Variants in PXK observed in about 807,000 individuals in gnomAD.
PXK encodes the protein PX domain-containing protein kinase-like protein.
Under a neutral mutation model 84.7 loss-of-function variants are expected in PXK, and 35 were observed. The observed-to-expected ratio is 0.41, with a 90% confidence interval of 0.32 to 0.55. The LOEUF (loss-of-function observed/expected upper bound fraction) is 0.55. Among genes scored for constraint, PXK ranks in the 20% least tolerant of loss-of-function variants. The pLI, the probability that PXK is intolerant of heterozygous loss-of-function variation, is 0.21. For synonymous variants in PXK, 253 were observed against 260.8 expected, an observed-to-expected ratio of 0.97 and a Z score of 0.29; for missense variants, 634 against 699.7, an observed-to-expected ratio of 0.91 and a Z score of 1.06.
chr3:58,389,292 A>G (rs1209597304), intron 4 of PXK, among the ~76,000 whole-genome samples: 16 of 152,160 alleles, frequency 1.1e-4, no homozygotes, highest in Admixed American at 8.5e-4. Flanking sequence ...GATGAAAGCT[A>G]TAATTCCAGA....
rs181732618 is a variant in PXK, at chr3:58,389,976, G to T, written c.389-606G>T. 9.3e-4 allele frequency among the ~76,000 whole-genome samples: 120 copies of T among 128,674 alleles called. 5 individuals carry two copies. In the East Asian group the frequency reaches 0.023, roughly 25 times the overall value. 84.4% of individuals were successfully genotyped at this position (128,674 alleles called of 152,430 possible). A position where few individuals can be genotyped will look rare whatever the true frequency, so the allele number is the denominator to read the frequency against. On this transcript the variant is annotated intron_variant, in intron 4 of 17. Transcript: ENST00000356151. ...ATCGCACCATTGCACTCCAACCTGGGTAACAAGAGTGAAACTCCGTCTCAA... is the reference window on the plus strand; with the variant it reads ...ATCGCACCATTGCACTCCAACCTGGTTAACAAGAGTGAAACTCCGTCTCAA...
At chr3:58,368,448 G>A (rs1375899615) in intron 2 of PXK, among the ~76,000 whole-genome samples, 2 of 152,074 alleles carry the variant, frequency 1.3e-5, no homozygotes, top group African/African-American at 2.4e-5. Flanking sequence ...TCTGCCTCCC[G>A]AGTAGCTGAG....
chr3:58,381,274 A>G (rs1252534824), intron 3 of PXK, among the ~76,000 whole-genome samples: 1 of 151,366 alleles, frequency 6.6e-6, no homozygotes, highest in Non-Finnish European at 1.5e-5. Context: ...AAAAGCCAAC[A>G]GAGGTTACAC....
At chr3:58,362,018 T>G (rs969080866) in intron 1 of PXK, among the ~76,000 whole-genome samples, 30 of 152,322 alleles carry the variant, frequency 2.0e-4, no homozygotes, top group African/African-American at 3.6e-4. Flanking sequence ...GTTATTACTG[T>G]TTTTTATTTA....
At chr3:58,386,696 G>A (rs71311865) in intron 4 of PXK, among the ~76,000 whole-genome samples, 11,102 of 152,174 alleles carry the variant, frequency 0.073, 523 homozygotes, top group South Asian at 0.1. Context: ...TGGAGTAAGG[G>A]GGTTTTAATG....
At chr3:58,384,454 G>T (rs2098533943) in intron 4 of PXK, among the ~76,000 whole-genome samples, 1 of 149,204 alleles carries the variant, frequency 6.7e-6, no homozygotes, top group Non-Finnish European at 1.5e-5. Flanking sequence ...GGAGCAGTGA[G>T]TTGTTACAAG....
chr3:58,423,722 G>T (rs759527929), intron 17 of PXK, among the ~76,000 whole-genome samples: 1 of 152,054 alleles, frequency 6.6e-6, no homozygotes, highest in Admixed American at 6.6e-5. Flanking sequence ...GCATCTGACA[G>T]AGTCTCAGAG....
chr3:58,357,795 CAAA>C (rs2098116998), intron 1 of PXK, among the ~76,000 whole-genome samples: 1 of 152,050 alleles, frequency 6.6e-6, no homozygotes. Flanking sequence ...ACTAAAAATA[CAAA>C]AATTAGCCTG....
chr3:58,354,481 C>G (rs930346466), intron 1 of PXK, among the ~76,000 whole-genome samples: 23 of 149,494 alleles, frequency 1.5e-4, no homozygotes, highest in South Asian at 2.1e-4. Context: ...GAGTCTCTCA[C>G]TCTGTCACAG....
Position 58,424,773 on chromosome 3 carries a change from C to T in PXK, c.1550C>T (p.Pro517Leu). The T allele has an allele frequency of 5.0e-6, 8 of 1,613,874 alleles. No individual in the cohort carries two copies. Among genetic ancestry groups the T allele is most frequent in the Non-Finnish European group, 6.8e-6 (8 of 1,179,940 alleles). Reference sequence around the variant, plus strand: ...ACAGGGATATCTGCATTACCTCCACCTCCTCCACCTCCACCACCACCAGCA... The same window carrying T: ...ACAGGGATATCTGCATTACCTCCACTTCCTCCACCTCCACCACCACCAGCA... ...STSGISALPP[P>L]PPPPPPPAAP... Residue 517 changes from proline to leucine, a missense_variant, in exon 18 of 18, where the codon CCT becomes CTT. Coordinates refer to ENST00000356151, the MANE Select transcript of PXK (RefSeq NM_017771.5).
At chr3:58,346,417 A>C (rs1205730641) in intron 1 of PXK, among the ~76,000 whole-genome samples, 1 of 152,078 alleles carries the variant, frequency 6.6e-6, no homozygotes, top group Non-Finnish European at 1.5e-5. Context: ...ACAATAGAGG[A>C]AAAGTCTGCC....
chr3:58,367,644 G>T (rs556424709), intron 2 of PXK, among the ~76,000 whole-genome samples: 2 of 152,226 alleles, frequency 1.3e-5, no homozygotes, highest in Admixed American at 6.5e-5. Flanking sequence ...AGAATGGATA[G>T]CCATGTAGAA....
chr3:58,413,139 T>C (rs2060456524), intron 17 of PXK, 176 bp downstream of exon 17: 2 of 692,016 alleles, frequency 2.9e-6, no homozygotes, highest in Non-Finnish European at 4.9e-6. Flanking sequence ...AGGGGCTAGA[T>C]TTCCAAGCTC....
intron 1 of PXK, among the ~76,000 whole-genome samples, chr3:58,345,493 G>A (rs370838563): frequency 9.9e-5 from 15 of 152,274 alleles, no homozygotes; most frequent in African/African-American, 2.4e-4. Context: ...TAGAATTACC[G>A]TTTTTATGAT....
Position 58,405,777 on chromosome 3 carries a change from CA to C in PXK, c.1230+1879del, listed in dbSNP as rs547950182. ...TGGGGAACAGAGTGAGATTCTGTCT[CA>C]AAAAAAAAAAAGAAATGATAGGCTC... On this transcript the variant is annotated intron_variant, in intron 13 of 17. Transcript: ENST00000356151. 1.0e-3 allele frequency among the ~76,000 whole-genome samples: 135 copies of C among 133,600 alleles called. 1 individual carries two copies. The highest frequency in any genetic ancestry group is 1.5e-3 in the South Asian group (6 of 4,108). 87.6% of individuals were successfully genotyped at this position (133,600 alleles called of 152,430 possible).
Position 58,369,564 on chromosome 3 carries a change from G to A in PXK, c.201+86G>A, listed in dbSNP as rs778108079. Reference sequence around the variant, plus strand: ...TGGAGTCGGGGCACGGTGGCTCAACGCCTGTAATCCCAGCACTTGGGGAGG... The same window carrying A: ...TGGAGTCGGGGCACGGTGGCTCAACACCTGTAATCCCAGCACTTGGGGAGG... On this transcript the variant is annotated intron_variant, in intron 3 of 17. Transcript: ENST00000356151. 9.4e-6 allele frequency: 10 copies of A among 1,061,890 alleles called. 1 individual carries two copies. The highest frequency in any genetic ancestry group is 5.3e-5 in the South Asian group (4 of 74,986). 65.8% of individuals were successfully genotyped at this position (1,061,890 alleles called of 1,614,324 possible).
intron 1 of PXK, among the ~76,000 whole-genome samples, chr3:58,345,229 G>A (rs1461108753): frequency 6.6e-6 from 1 of 152,110 alleles, no homozygotes; most frequent in African/African-American, 2.4e-5. Context: ...AACTCGGAGT[G>A]GTTAACAGAG....
At chr3:58,344,822 C>T (rs747475133) in intron 1 of PXK, among the ~76,000 whole-genome samples, 2 of 152,146 alleles carry the variant, frequency 1.3e-5, no homozygotes, top group Non-Finnish European at 2.9e-5. Flanking sequence ...GAGTGAAACT[C>T]CATCTCAAAA....
intron 1 of PXK, among the ~76,000 whole-genome samples, chr3:58,344,340 A>T (rs923598387): frequency 6.6e-6 from 1 of 152,214 alleles, no homozygotes; most frequent in Non-Finnish European, 1.5e-5. Context: ...AGTTTGTCTC[A>T]CTGTCAACTG....
Sources: gnomAD v4.1 joint callset for allele counts (sites outside exome capture counted in the v4.1 genomes callset) on GRCh38, gnomAD v4.1.1 for gene constraint, MANE v1.5 for transcripts, NCBI Gene and HGNC (gene_info 2026-07-23, HGNC 2026-07-21) for gene names.